The following EMCN variants were observed in gnomAD, a reference collection of about 807,000 sequenced individuals.
EMCN encodes endomucin.
A neutral mutation model predicts 38.4 loss-of-function variants in EMCN; 37 were observed. The ratio of observed to expected loss-of-function variants is 0.96; its 90% CI spans 0.74 to 1.27. The LOEUF (loss-of-function observed/expected upper bound fraction) is 1.27, where lower values mean the gene tolerates loss of function less well. Among genes scored for constraint, EMCN ranks in the 50% most tolerant of loss-of-function variants. The pLI is 0.00. For synonymous variants in EMCN, 95 were observed against 100.8 expected (o/e 0.94, Z 0.35); for missense variants, 318 against 302.8 (o/e 1.05, Z -0.37).
intron 8 of EMCN, among the ~76,000 whole-genome samples, chr4:100,418,981 T>C (rs1578399424): frequency 6.6e-6 from 1 of 152,094 alleles, no homozygotes; most frequent in Non-Finnish European, 1.5e-5. Context: ...TTCTCCATAG[T>C]GGTTGTACTA....
At chr4:100,417,273 A>T (rs997885371) in intron 8 of EMCN, 132 bp from the exon 9 acceptor site, 55 of 843,948 alleles carry the variant, frequency 6.5e-5, no homozygotes, top group Admixed American at 4.1e-4. Context: ...ATTTTAAAAT[A>T]TTTTAATTTT....
At position 100,486,760 on chromosome 4, in the gene EMCN, T is replaced by G. The variant is rs1728953280; in HGVS notation, c.65-6721A>C. ...AGACAGCATTCCAGTGGTGAGTTTG[T>G]TAAACAGAAAACAACAATATCTGCA... is the stretch of plus-strand genomic sequence containing the variant. On this transcript the variant is annotated intron_variant, in intron 1 of 11. Transcript: ENST00000296420. 5 of 752,696 alleles carry G rather than the reference T, an allele frequency of 6.6e-6. No homozygotes were observed. In the South Asian group the frequency reaches 3.0e-4, roughly 45 times the overall value. 46.6% of individuals were successfully genotyped at this position (752,696 alleles called of 1,614,324 possible).
At chr4:100,456,361 AC>A (rs1163031459) in intron 4 of EMCN, among the ~76,000 whole-genome samples, 2 of 151,502 alleles carry the variant, frequency 1.3e-5, no homozygotes, top group African/African-American at 4.9e-5. Flanking sequence ...TCTTCCTTCA[AC>A]TTTTTGGGGG....
At chr4:100,451,136 A>G (rs1394197907) in intron 4 of EMCN, among the ~76,000 whole-genome samples, 1 of 151,892 alleles carries the variant, frequency 6.6e-6, no homozygotes, top group Non-Finnish European at 1.5e-5. Context: ...ATTTATTTAC[A>G]TAGTAGTGAT....
intron 4 of EMCN, among the ~76,000 whole-genome samples, chr4:100,454,914 T>C (rs997357289): frequency 1.3e-5 from 2 of 152,174 alleles, no homozygotes; most frequent in Admixed American, 1.3e-4. Context: ...CTGTCTTTTG[T>C]TTTTAATAAA....
intron 1 of EMCN, among the ~76,000 whole-genome samples, chr4:100,502,013 G>A (rs189130740): frequency 6.6e-6 from 1 of 152,220 alleles, no homozygotes; most frequent in East Asian, 1.9e-4. Context: ...AAATTTAATA[G>A]GCGAAAGAAA....
rs1177706764 is a variant in EMCN at position 100,479,918 on chromosome 4, T to G, written c.186A>C (p.Lys62Asn). Residue 62 changes from lysine (K) to asparagine (N), a missense_variant and splice_region_variant, in exon 2 of 12, where the codon AAA (lysine) becomes AAC (asparagine). By Grantham distance (94) the Lys-to-Asn change is moderately conservative. Coordinates refer to ENST00000296420, the MANE Select transcript of EMCN (RefSeq NM_016242.4). ...VVTPTTGTTP[K>N]GTITNELLKM... ...AAATTTACTAACAGTTAATCCTACC[T>G]TTAGGAGTTGTTCCAGTTGTTGGTG... 6.2e-7 allele frequency: 1 copy of G among 1,606,724 alleles called. No homozygotes were observed. The highest frequency in any genetic ancestry group is 1.1e-5 in the South Asian group (1 of 89,718).
intron 5 of EMCN, among the ~76,000 whole-genome samples, chr4:100,441,588 A>G (rs888360135): frequency 6.6e-6 from 1 of 151,774 alleles, no homozygotes; most frequent in Non-Finnish European, 1.5e-5. Flanking sequence ...TTTCTCTCTC[A>G]TTGTCTACCT....
At chr4:100,494,416 T>C (rs1317944295) in intron 1 of EMCN, among the ~76,000 whole-genome samples, 1 of 152,154 alleles carries the variant, frequency 6.6e-6, no homozygotes, top group Non-Finnish European at 1.5e-5. Context: ...AAAGTCTGGT[T>C]GGGGAGTATC....
intron 10 of EMCN, 27 bp downstream of exon 10, chr4:100,415,871 A>T: frequency 6.7e-7 from 1 of 1,496,570 alleles, no homozygotes; most frequent in Non-Finnish European, 9.1e-7. Flanking sequence ...ACTAATTTTC[A>T]TCTAATCAAC....
intron 3 of EMCN, chr4:100,473,768 G>C (rs1304939726): frequency 1.3e-5 from 2 of 152,334 alleles, no homozygotes. Context: ...AAGCAAATTG[G>C]AAAGCTGGGA....
intron 11 of EMCN, among the ~76,000 whole-genome samples, chr4:100,400,986 A>G (rs1192122511): frequency 2.0e-5 from 3 of 152,180 alleles, no homozygotes; most frequent in African/African-American, 4.8e-5. Flanking sequence ...CTAGATTTTC[A>G]TATATTTGTG....
rs183142799 is a variant in EMCN at position 100,401,300 on chromosome 4, T to C, written c.*40-2927A>G. On this transcript the variant is annotated intron_variant, in intron 11 of 11. Coordinates refer to ENST00000296420, the MANE Select transcript of EMCN (RefSeq NM_016242.4). ...TGAACAATACATTAATAAAAAATAA[T>C]ACAAATCGAAATATAGTATAACAAC... 1.1e-3 allele frequency among the ~76,000 whole-genome samples: 165 copies of C among 152,252 alleles called. 1 individual carries two copies. Among genetic ancestry groups the C allele is most frequent in the African/African-American group, 3.9e-3 (162 of 41,548 alleles).
chr4:100,482,826 A>G (rs1414888575), intron 1 of EMCN, among the ~76,000 whole-genome samples: 1 of 152,148 alleles, frequency 6.6e-6, no homozygotes, highest in Non-Finnish European at 1.5e-5. Context: ...TCATTTTTAT[A>G]TTTATTAATG....
Position 100,423,355 on chromosome 4 carries a change from G to GTAAAACT in EMCN, c.464_465insAGTTTTA (p.Ser156ValfsTer21). ...TTTCTGGAATTGTAACTGGTATTGA[G>GTAAAACT]GTTAATGTACCAGTTTTAGAAGGTG... On this transcript the variant is annotated frameshift_variant, in exon 6 of 12. Transcript: ENST00000296420. LOFTEE classifies it high-confidence loss of function. The GTAAAACT allele has an allele frequency of 6.2e-7, 1 of 1,613,056 alleles. No individual in the cohort carries two copies. Among genetic ancestry groups the GTAAAACT allele is most frequent in the Non-Finnish European group, 8.5e-7 (1 of 1,179,402 alleles).
chr4:100,412,730 C>T lies in EMCN; in HGVS notation c.752-2375G>A, dbSNP rs942173505. Among the ~76,000 whole-genome samples, 3 of 152,132 alleles carry T rather than the reference C, an allele frequency of 2.0e-5. No individual in the cohort carries two copies. In the South Asian group the frequency reaches 6.2e-4, roughly 32 times the overall value. On this transcript the variant is annotated intron_variant, in intron 10 of 11. Coordinates refer to ENST00000296420, the MANE Select transcript of EMCN (RefSeq NM_016242.4). The stretch of plus-strand genomic sequence containing the variant: ...CCTGAAAGCATCTTCTTGTTATACC[C>T]TAGTAAGCTTTCTCTTTTACATTTA...
In EMCN at chr4:100,470,385, A is replaced by AAAAC. The variant is rs915755838; in HGVS notation, c.259+4652_259+4653insGTTT. Among the ~76,000 whole-genome samples the AAAAC allele has an allele frequency of 7.9e-5, 12 of 151,560 alleles. No homozygotes were observed. The East Asian group carries it at 1.7e-3, about 22-fold the overall frequency. ...TGGCTATTACTAAAATGTTAAAAAA[A>AAAAC]AAAACAGGTGCCAGTGAGGTTGTGG... On this transcript the variant is annotated intron_variant, in intron 3 of 11. Coordinates refer to ENST00000296420, the MANE Select transcript of EMCN (RefSeq NM_016242.4).
intron 11 of EMCN, among the ~76,000 whole-genome samples, chr4:100,398,706 TC>T: frequency 6.6e-6 from 1 of 152,244 alleles, no homozygotes; most frequent in South Asian, 2.1e-4. Flanking sequence ...ATTGGCCACA[TC>T]CAATCAATCA....
At chr4:100,415,544 A>G (rs892756304) in intron 10 of EMCN, among the ~76,000 whole-genome samples, 1 of 152,204 alleles carries the variant, frequency 6.6e-6, no homozygotes, top group Non-Finnish European at 1.5e-5. Context: ...TTTTGACCAT[A>G]TGCGACTACA....
Sources: gnomAD v4.1 joint callset for allele counts (sites outside exome capture counted in the v4.1 genomes callset) on GRCh38, gnomAD v4.1.1 for gene constraint, MANE v1.5 for transcripts, NCBI Gene and HGNC (gene_info 2026-07-23, HGNC 2026-07-21) for gene names.